ERICH6: variants seen among roughly 807,000 people sequenced by gnomAD.
ERICH6 encodes glutamate-rich protein 6.
ERICH6 carries 71 observed loss-of-function variants against 71.0 expected under a neutral mutation model. The observed-to-expected ratio is 1.00, with a 90% confidence interval of 0.83 to 1.22. The LOEUF is 1.22. Ranked by LOEUF, ERICH6 falls within the 50% of genes most tolerant of loss-of-function variation. ERICH6 has a pLI of 0.00. For synonymous variants in ERICH6, 262 were observed against 278.4 expected, an observed-to-expected ratio of 0.94 and a Z score of 0.59; for missense variants, 808 against 797.2, an observed-to-expected ratio of 1.01 and a Z score of -0.16.
intron 3 of ERICH6, among the ~76,000 whole-genome samples, chr3:150,697,762 G>T (rs1712706408): frequency 6.6e-6 from 1 of 152,142 alleles, no homozygotes; most frequent in South Asian, 2.1e-4. Flanking sequence ...TCAGCAGCCA[G>T]CAGTCATTAA....
chr3:150,681,786 C>A (rs1259542767), intron 7 of ERICH6, among the ~76,000 whole-genome samples: 1 of 150,796 alleles, frequency 6.6e-6, no homozygotes, highest in African/African-American at 2.4e-5. Context: ...TTTGCGTTTC[C>A]CTGACAGCTA....
At chr3:150,673,089 CTCCTTCCT>C (rs377475684) in intron 11 of ERICH6, among the ~76,000 whole-genome samples, 2 of 150,702 alleles carry the variant, frequency 1.3e-5, no homozygotes, top group South Asian at 2.1e-4. Context: ...AGGGTAGTCT[CTCCTTCCT>C]TCCTTCCTTC....
In ERICH6 at chr3:150,680,788, T is replaced by C. The variant is rs1302418769; in HGVS notation, c.1025A>G (p.Glu342Gly). ...GSEVDRLKAK[E>G]KALQRKQEQR... ...TCAATGTTACCTTTGCAGGGCTTTTTCTTTTGCCTTGAGTCTGTCGACCTC... is the reference window on the plus strand; with the variant it reads ...TCAATGTTACCTTTGCAGGGCTTTTCCTTTTGCCTTGAGTCTGTCGACCTC... The change falls in exon 8 of 14, where the codon GAA becomes GGA. Residue 342 changes from glutamate to glycine, a missense_variant. By Grantham distance (98) the Glu-to-Gly change is moderately conservative (BLOSUM62 -2). Around this residue, in one of 3 missense-constraint regions of ERICH6, gnomAD observed 736 missense variants for 712.2 expected, o/e 1.03. Transcript: ENST00000295910. 2 of 1,605,918 alleles carry C rather than the reference T, an allele frequency of 1.2e-6. No homozygotes were observed. The highest frequency in any genetic ancestry group is 2.7e-5 in the African/African-American group (2 of 74,094).
rs1712751336 is a variant in ERICH6 at position 150,698,822 on chromosome 3, C to A, written c.522G>T (p.Trp174Cys). The A allele has an allele frequency of 6.2e-7, 1 of 1,613,786 alleles. No individual in the cohort carries two copies. Among genetic ancestry groups the A allele is most frequent in the African/African-American group, 1.3e-5 (1 of 74,888 alleles). ...GCACTTTATCAGACAAATCTTGGAG[C>A]CAACTTTCTTCTGTTTGTACTGATA... Reference protein sequence around the residue: ...IPVSVQTEESWLQDLSDKVQS... With the variant: ...IPVSVQTEESCLQDLSDKVQS... The change falls in exon 3 of 14, where the codon TGG becomes TGT. Residue 174 changes from tryptophan to cysteine, a missense_variant. By Grantham distance (215) the Trp-to-Cys change is radical. Transcript: ENST00000295910.
chr3:150,698,271 C>A (rs2108078314), intron 3 of ERICH6, among the ~76,000 whole-genome samples: 1 of 152,228 alleles, frequency 6.6e-6, no homozygotes, highest in East Asian at 1.9e-4. Context: ...CTATTATAGG[C>A]TAGACCTATG....
chr3:150,665,103 A>ACTG (rs1163447421), intron 13 of ERICH6, among the ~76,000 whole-genome samples: 3 of 152,076 alleles, frequency 2.0e-5, no homozygotes, highest in Non-Finnish European at 4.4e-5. Flanking sequence ...AAAGGAGGGG[A>ACTG]TACTGCAGAT....
intron 6 of ERICH6, among the ~76,000 whole-genome samples, 171 bp from the exon 7 acceptor site, chr3:150,682,487 C>A (rs1712009982): frequency 6.6e-6 from 1 of 152,136 alleles, no homozygotes; most frequent in South Asian, 2.1e-4. Context: ...GCTTCAGGAG[C>A]CTGAGGTGGT....
chr3:150,686,089 T>C, intron 4 of ERICH6, 68 bp from the exon 5 acceptor site: 1 of 1,357,134 alleles, frequency 7.4e-7, no homozygotes, highest in Non-Finnish European at 1.1e-6. Flanking sequence ...ACTTCTGTAA[T>C]TTGGAGATTC....
intron 13 of ERICH6, among the ~76,000 whole-genome samples, chr3:150,666,041 G>A (rs967640161): frequency 4.6e-5 from 7 of 152,084 alleles, no homozygotes; most frequent in Non-Finnish European, 5.9e-5. Context: ...CTGTAAGGTC[G>A]GAATCATTAT....
At chr3:150,679,904 C>T (rs768013290) in intron 9 of ERICH6, among the ~76,000 whole-genome samples, 1 of 152,122 alleles carries the variant, frequency 6.6e-6, no homozygotes. Flanking sequence ...GCGATCCACC[C>T]GCCTCAGCCT....
At chr3:150,669,486 T>C (rs1348966984) in intron 11 of ERICH6, 35 bp from the exon 12 acceptor site, 1 of 1,603,528 alleles carries the variant, frequency 6.2e-7, no homozygotes, top group South Asian at 1.1e-5. Flanking sequence ...ATTGTTCTAA[T>C]GCTCCTTGAC....
At chr3:150,661,933 C>T (rs1025019069) in intron 13 of ERICH6, among the ~76,000 whole-genome samples, 5 of 152,036 alleles carry the variant, frequency 3.3e-5, no homozygotes, top group African/African-American at 1.2e-4. Flanking sequence ...AGGAAAGGAA[C>T]ACAATCCAAC....
rs1553752942 is a variant in ERICH6 at position 150,672,264 on chromosome 3, C to CATATATATATATGTATATATATAT, written c.1343+1691_1343+1692insATATATATATACATATATATATAT. On this transcript the variant is annotated intron_variant, in intron 11 of 13. Transcript: ENST00000295910. ...TAAACAAAGAATCCATTTATATATA[C>CATATATATATATGTATATATATAT]ATATATATATATATGCTCATACACA... Among the ~76,000 whole-genome samples the CATATATATATATGTATATATATAT allele has an allele frequency of 1.1e-4, 13 of 123,618 alleles. 2 individuals carry two copies. Among genetic ancestry groups the CATATATATATATGTATATATATAT allele is most frequent in the South Asian group, 5.6e-4 (2 of 3,548 alleles). 81.1% of individuals were successfully genotyped at this position (123,618 alleles called of 152,430 possible).
intron 12 of ERICH6, among the ~76,000 whole-genome samples, chr3:150,667,524 T>G (rs900103746): frequency 1.3e-5 from 2 of 152,162 alleles, no homozygotes; most frequent in African/African-American, 2.4e-5. Flanking sequence ...GGGCAGAGGC[T>G]CAGGGAACAC....
chr3:150,666,095 C>T (rs1485017331), intron 13 of ERICH6, among the ~76,000 whole-genome samples: 5 of 152,202 alleles, frequency 3.3e-5, no homozygotes, highest in African/African-American at 1.2e-4. Context: ...CTCACTCAGT[C>T]AAGTGGCAGA....
At chr3:150,697,465 T>C (rs1328236286) in intron 3 of ERICH6, among the ~76,000 whole-genome samples, 3 of 152,200 alleles carry the variant, frequency 2.0e-5, no homozygotes, top group Non-Finnish European at 4.4e-5. Flanking sequence ...CACTCCAATA[T>C]GGCTTTTATC....
intron 3 of ERICH6, among the ~76,000 whole-genome samples, chr3:150,689,202 T>C (rs1712321064): frequency 6.6e-6 from 1 of 150,618 alleles, no homozygotes; most frequent in Non-Finnish European, 1.5e-5. Context: ...CTTCTCTTTT[T>C]TTGAAGTTTT....
rs534445683 is a variant in ERICH6, at chr3:150,671,867, C to T, written c.1343+2089G>A. Among the ~76,000 whole-genome samples the T allele has an allele frequency of 3.3e-5, 5 of 152,262 alleles. No individual in the cohort carries two copies. The South Asian group carries it at 6.2e-4, about 19-fold the overall frequency. ...CTGATCTCAAATTGCTGAGCTCATG[C>T]GATCTGCCCACTGTGGCCTCTCAAA... On this transcript the variant is annotated intron_variant, in intron 11 of 13. Transcript: ENST00000295910.
In ERICH6 at chr3:150,680,470, T is replaced by C; in HGVS notation, c.1109A>G (p.Asp370Gly). 6.2e-7 allele frequency: 1 copy of C among 1,614,136 alleles called. No homozygotes were observed. The highest frequency in any genetic ancestry group is 8.5e-7 in the Non-Finnish European group (1 of 1,179,950). Reference sequence around the variant, plus strand: ...AAGATCAGCACTAATGAACTCACCATCTTCAGAGAAATGAGTCTGTTCCCT... The same window carrying C: ...AAGATCAGCACTAATGAACTCACCACCTTCAGAGAAATGAGTCTGTTCCCT... ...ISREQTHFSE[D>G]DSKRLKTISY... Residue 370 changes from aspartate (D) to glycine (G), a missense_variant and splice_region_variant, in exon 9 of 14, where the codon GAT becomes GGT. Asp to Gly is a moderately conservative substitution (Grantham distance 94). Transcript: ENST00000295910.
Sources: gnomAD v4.1 joint callset for allele counts (sites outside exome capture counted in the v4.1 genomes callset) on GRCh38, gnomAD v4.1.1 for gene constraint, gnomAD v4.1.1 regional missense constraint, MANE v1.5 for transcripts, NCBI Gene and HGNC (gene_info 2026-07-23, HGNC 2026-07-21) for gene names.